Variants in NCOA6 observed in about 807,000 individuals in gnomAD.
NCOA6 encodes the protein NRC RAP250.
In NCOA6, 49 loss-of-function variants were observed where a neutral mutation model predicts 171.4. The ratio of observed to expected loss-of-function variants is 0.29; its 90% CI spans 0.23 to 0.36. The LOEUF (loss-of-function observed/expected upper bound fraction) is 0.36. Ranked by LOEUF, NCOA6 falls within the 10% of genes least tolerant of loss-of-function variation. The probability of loss-of-function intolerance (pLI) is 1.00; values close to 1 mark genes in which losing one functional copy is unlikely to be tolerated. For missense variants in NCOA6, 2,248 were observed against 2,554.5 expected (o/e 0.88, Z 2.59); for synonymous variants, 910 against 927.5 (o/e 0.98, Z 0.34).
At chr20:34,752,516 A>G (rs2145747693) in intron 8 of NCOA6, among the ~76,000 whole-genome samples, 1 of 152,210 alleles carries the variant, frequency 6.6e-6, no homozygotes, top group East Asian at 1.9e-4. Context: ...ACAACTAACA[A>G]ACAGACAAGT....
At chr20:34,771,708 C>T (rs2077156310) in intron 4 of NCOA6, among the ~76,000 whole-genome samples, 1 of 152,180 alleles carries the variant, frequency 6.6e-6, no homozygotes, top group African/African-American at 2.4e-5. Context: ...AAGGCTGCTT[C>T]TCACCCCAAG....
intron 4 of NCOA6, among the ~76,000 whole-genome samples, chr20:34,772,757 C>G (rs139283946): frequency 9.3e-4 from 142 of 152,252 alleles, no homozygotes; most frequent in African/African-American, 3.2e-3. Context: ...CCACACAAGG[C>G]TGGGGGATGC....
At chr20:34,731,723 T>C (rs2075785064) in intron 13 of NCOA6, among the ~76,000 whole-genome samples, 1 of 152,206 alleles carries the variant, frequency 6.6e-6, no homozygotes, top group East Asian at 1.9e-4. Flanking sequence ...TATTATCCAG[T>C]GCATTCCTAC....
In NCOA6 at chr20:34,757,360, A is replaced by G. The variant is rs1178906198; in HGVS notation, c.1388T>C (p.Leu463Pro). 3 of 1,614,104 alleles carry G rather than the reference A, an allele frequency of 1.9e-6. No individual in the cohort carries two copies. Among genetic ancestry groups the G allele is most frequent in the Admixed American group, 1.7e-5 (1 of 60,016 alleles). Residue 463 changes from leucine to proline, a missense_variant, in exon 7 of 15, where the codon CTT (leucine) becomes CCT (proline). Around this residue, in one of 7 missense-constraint regions of NCOA6, gnomAD observed 987 missense variants for 1,104.7 expected, o/e 0.89. Transcript: ENST00000359003. ...MGPRPPQNNP[L>P]PQGFQQPVSS... ...GACAGGCTGCTGAAATCCCTGGGGA[A>G]GTGGGTTATTTTGAGGTGGCCTTGG...
intron 1 of NCOA6, among the ~76,000 whole-genome samples, chr20:34,794,859 A>G (rs1045027511): frequency 3.3e-5 from 5 of 152,148 alleles, no homozygotes; most frequent in Non-Finnish European, 7.3e-5. Flanking sequence ...AAAAGAGAAT[A>G]ATTACTAAAA....
chr20:34,784,804 G>A (rs1315844087), intron 2 of NCOA6, among the ~76,000 whole-genome samples: 1 of 151,996 alleles, frequency 6.6e-6, no homozygotes, highest in East Asian at 1.9e-4. Flanking sequence ...AAATAGGCTG[G>A]GCGCGGTGGC....
chr20:34,779,836 G>GA (rs11167244), intron 3 of NCOA6, among the ~76,000 whole-genome samples: 68,962 of 150,738 alleles, frequency 0.46, 16,122 homozygotes, highest in East Asian at 0.63. Context: ...TTCTAATGTG[G>GA]AAAAAAAAAC....
chr20:34,758,096 C>A lies in NCOA6; in HGVS notation c.652G>T (p.Asp218Tyr). ...PRPASQSDAM[D>Y]PLLSGLHIQQ... Reference sequence around the variant, plus strand: ...ATATGGAGCCCAGAGAGGAGTGGATCCATTGCATCTGTTTAAAGATAGTCA... The same window carrying A: ...ATATGGAGCCCAGAGAGGAGTGGATACATTGCATCTGTTTAAAGATAGTCA... Residue 218 changes from aspartate to tyrosine, a missense_variant, in exon 7 of 15, where the codon GAT becomes TAT. Around this residue, in one of 7 missense-constraint regions of NCOA6, gnomAD observed 987 missense variants for 1,104.7 expected, o/e 0.89. Transcript: ENST00000359003. The A allele has an allele frequency of 1.2e-6, 2 of 1,607,634 alleles. No homozygotes were observed. Among genetic ancestry groups the A allele is most frequent in the South Asian group, 2.2e-5 (2 of 90,618 alleles).
At chr20:34,726,759 TG>T (rs1009290696) in intron 14 of NCOA6, among the ~76,000 whole-genome samples, 29 of 146,896 alleles carry the variant, frequency 2.0e-4, no homozygotes, top group African/African-American at 7.4e-4. Context: ...CACTCCAGCC[TG>T]GGCAACAGAA....
At chr20:34,764,009 A>ATTT (rs11471838) in intron 5 of NCOA6, among the ~76,000 whole-genome samples, 2,002 of 107,232 alleles carry the variant, frequency 0.019, 94 homozygotes, top group African/African-American at 0.058. Flanking sequence ...CACCTTTGAC[A>ATTT]TTTTTTTTTT....
rs61754977 is a variant in NCOA6 at position 34,741,873 on chromosome 20, A to G, written c.4383T>C (p.Asp1461=). 7.4e-5 allele frequency: 120 copies of G among 1,614,106 alleles called. 2 individuals carry two copies. The highest frequency in any genetic ancestry group is 6.6e-4 in the South Asian group (60 of 91,084). ...MVVPEDQSKK[D]GQPSDPNKLP... ...GTTTGTTAGGATCCGAAGGCTGCCC[A>G]TCCTTTTTGGACTGATCTTCAGGGA... Residue 1461 remains aspartate (D), a synonymous_variant, in exon 11 of 15, where the codon GAT becomes GAC. Coordinates refer to ENST00000359003, the MANE Select transcript of NCOA6 (RefSeq NM_014071.5).
chr20:34,761,878 A>C (rs1416536375), intron 5 of NCOA6, among the ~76,000 whole-genome samples: 1 of 151,260 alleles, frequency 6.6e-6, no homozygotes, highest in African/African-American at 2.4e-5. Flanking sequence ...CTGGTCTTGA[A>C]CTCCTGACCT....
Position 34,769,261 on chromosome 20 carries a change from T to G in NCOA6, c.392-675A>C, listed in dbSNP as rs146727678. On this transcript the variant is annotated intron_variant, in intron 4 of 14. Coordinates refer to ENST00000359003, the MANE Select transcript of NCOA6 (RefSeq NM_014071.5). ...GCTGCAGTGCAGTGGCACAGTCATA[T>G]AGCTCACCACTACCTTAAATTCCTG... 1.4e-3 allele frequency among the ~76,000 whole-genome samples: 214 copies of G among 152,276 alleles called. 1 individual carries two copies. The highest frequency in any genetic ancestry group is 4.9e-3 in the African/African-American group (205 of 41,554).
intron 3 of NCOA6, among the ~76,000 whole-genome samples, chr20:34,779,836 GA>G (rs11167244): frequency 1.3e-5 from 2 of 150,864 alleles, no homozygotes; most frequent in African/African-American, 4.9e-5. Context: ...TTCTAATGTG[GA>G]AAAAAAAACA....
intron 1 of NCOA6, among the ~76,000 whole-genome samples, chr20:34,816,348 A>G (rs1281599254): frequency 6.6e-6 from 1 of 152,116 alleles, no homozygotes; most frequent in Non-Finnish European, 1.5e-5. Context: ...TGCAGAGGTA[A>G]TCAATTAAGA....
In NCOA6 at chr20:34,750,191, T is replaced by G. The variant is rs200492130; in HGVS notation, c.2004A>C (p.Gln668His). 1 of 1,611,318 alleles carries G rather than the reference T, an allele frequency of 6.2e-7. No individual in the cohort carries two copies. The highest frequency in any genetic ancestry group is 1.3e-5 in the African/African-American group (1 of 74,742). Residue 668 changes from glutamine (Q) to histidine (H), a missense_variant, in exon 9 of 15, where the codon CAA (glutamine) becomes CAC (histidine). By Grantham distance (24) the Gln-to-His change is conservative. This residue lies in a region of NCOA6 where 987 missense variants were observed against 1,104.7 expected (regional missense o/e 0.89). Coordinates refer to ENST00000359003, the MANE Select transcript of NCOA6 (RefSeq NM_014071.5). ...TCCTTTGGGGCGAGGGCCCAAGATT[T>G]TGGCTCGGGGGGTTCACCATCATCT... Reference protein sequence around the residue: ...QGQMMVNPPSQNLGPSPQRMT... With the variant: ...QGQMMVNPPSHNLGPSPQRMT...
chr20:34,726,083 T>C (rs1040849433), intron 14 of NCOA6, among the ~76,000 whole-genome samples: 4 of 152,108 alleles, frequency 2.6e-5, no homozygotes, highest in South Asian at 2.1e-4. Context: ...GGAGAGGTGG[T>C]AGCAGAAGAC....
At position 34,757,994 on chromosome 20, in the gene NCOA6, T is replaced by C; in HGVS notation, c.754A>G (p.Met252Val). ...AGCTGGGGAAAATTAGCTGGGTTCA[T>C]TTGTCTGTTCACAGAGACAGGCTGC... ...PMQPVSVNRQ[M>V]NPANFPQLQQ... The change falls in exon 7 of 15, where the codon ATG becomes GTG. Residue 252 changes from methionine to valine, a missense_variant. By Grantham distance (21) the Met-to-Val change is conservative. Coordinates refer to ENST00000359003, the MANE Select transcript of NCOA6 (RefSeq NM_014071.5). The C allele has an allele frequency of 6.2e-7, 1 of 1,613,862 alleles. No homozygotes were observed. The highest frequency in any genetic ancestry group is 2.2e-5 in the East Asian group (1 of 44,868).
intron 5 of NCOA6, 71 bp from the exon 6 acceptor site, chr20:34,759,004 G>A (rs1031781233): frequency 1.4e-6 from 2 of 1,449,102 alleles, no homozygotes; most frequent in South Asian, 1.2e-5. Context: ...GTTATTTCAA[G>A]AATATGAAAA....
Sources: gnomAD v4.1 joint callset for allele counts (sites outside exome capture counted in the v4.1 genomes callset) on GRCh38, gnomAD v4.1.1 for gene constraint, gnomAD v4.1.1 regional missense constraint, MANE v1.5 for transcripts, NCBI Gene and HGNC (gene_info 2026-07-23, HGNC 2026-07-21) for gene names.